RAB3GAP2: variants seen among roughly 807,000 people sequenced by gnomAD.
RAB3GAP2 encodes RAB3 GTPase activating non-catalytic protein subunit 2.
RAB3GAP2 carries 87 observed loss-of-function variants against 185.3 expected under a neutral mutation model. The ratio of observed to expected loss-of-function variants is 0.47; its 90% CI spans 0.39 to 0.56. The LOEUF (loss-of-function observed/expected upper bound fraction) is 0.56. Ranked by LOEUF, RAB3GAP2 falls within the 20% of genes least tolerant of loss-of-function variation. The pLI, the probability that RAB3GAP2 is intolerant of heterozygous loss-of-function variation, is 0.00. For missense variants in RAB3GAP2, 1,492 were observed against 1,638.2 expected (o/e 0.91, Z 1.54); for synonymous variants, 554 against 576.1 (o/e 0.96, Z 0.55).
rs370769444 is a variant in RAB3GAP2, at chr1:220,241,075, G to A, written c.116-8212C>T. Among the ~76,000 whole-genome samples the A allele has an allele frequency of 7.9e-5, 12 of 152,084 alleles. No homozygotes were observed. The South Asian group carries it at 1.9e-3, about 24-fold the overall frequency. ...AAAAAATTATAGATGTCTTGTTTAG[G>A]GGTATTTCCATTCAATGAATTATTC... is the stretch of plus-strand genomic sequence containing the variant. On this transcript the variant is annotated intron_variant, in intron 1 of 34. Coordinates refer to ENST00000358951, the MANE Select transcript of RAB3GAP2 (RefSeq NM_012414.4).
chr1:220,163,388 A>G (rs1275358944), intron 27 of RAB3GAP2, among the ~76,000 whole-genome samples: 3 of 144,174 alleles, frequency 2.1e-5, no homozygotes, highest in Non-Finnish European at 4.5e-5. Flanking sequence ...TTTTTTTGAG[A>G]CGGAGTCTCT....
intron 7 of RAB3GAP2, among the ~76,000 whole-genome samples, chr1:220,209,877 A>T (rs1659046925): frequency 6.6e-6 from 1 of 152,246 alleles, no homozygotes; most frequent in Admixed American, 6.5e-5. Context: ...CTAAGAAGTT[A>T]GAGCCTTGGA....
chr1:220,178,391 A>G (rs1180945814), intron 21 of RAB3GAP2, among the ~76,000 whole-genome samples: 6 of 152,222 alleles, frequency 3.9e-5, no homozygotes, highest in Non-Finnish European at 8.8e-5. Flanking sequence ...CTTAAACCAC[A>G]TATATCTTTA....
intron 24 of RAB3GAP2, among the ~76,000 whole-genome samples, chr1:220,168,299 C>T (rs901902850): frequency 6.6e-6 from 1 of 151,828 alleles, no homozygotes; most frequent in Non-Finnish European, 1.5e-5. Context: ...GCCATGTTGG[C>T]GAGGCTGGTC....
chr1:220,191,689 A>T (rs1460020467), intron 13 of RAB3GAP2, among the ~76,000 whole-genome samples: 1 of 151,958 alleles, frequency 6.6e-6, no homozygotes, highest in East Asian at 1.9e-4. Context: ...ATGGCGGCGC[A>T]TGCCTGTAAT....
chr1:220,208,932 G>GT (rs1479798396), intron 7 of RAB3GAP2, among the ~76,000 whole-genome samples: 1 of 152,174 alleles, frequency 6.6e-6, no homozygotes, highest in African/African-American at 2.4e-5. Context: ...ACCCAGGCTG[G>GT]TCTCAAACTC....
chr1:220,172,560 A>G (rs2102859706), intron 22 of RAB3GAP2, 77 bp downstream of exon 22: 1 of 960,858 alleles, frequency 1.0e-6, no homozygotes, highest in East Asian at 2.4e-5. Context: ...TTGTTAAGGG[A>G]TCCTATCCAC....
At position 220,202,360 on chromosome 1, in the gene RAB3GAP2, T is replaced by C. The variant is rs1171084365; in HGVS notation, c.727A>G (p.Asn243Asp). 1.2e-6 allele frequency: 2 copies of C among 1,613,720 alleles called. No homozygotes were observed. Among genetic ancestry groups the C allele is most frequent in the South Asian group, 2.2e-5 (2 of 91,074 alleles). The part of the protein sequence containing the change: ...NQVAKAAASG[N>D]ENIQPPPLAY... ...AATGGTGGTGGTTGTATGTTCTCAT[T>C]GCCTGATGCTGCAGCTACCAAAGAT... Residue 243 changes from asparagine to aspartate, a missense_variant, in exon 9 of 35, where the codon AAT (asparagine) becomes GAT (aspartate). Physicochemically the swap from Asn to Asp is conservative, Grantham distance 23 (BLOSUM62 1). Around this residue, in one of 5 missense-constraint regions of RAB3GAP2, gnomAD observed 243 missense variants for 314.8 expected, o/e 0.77. Coordinates refer to ENST00000358951, the MANE Select transcript of RAB3GAP2 (RefSeq NM_012414.4).
At chr1:220,213,149 A>G (rs1232786849) in intron 3 of RAB3GAP2, among the ~76,000 whole-genome samples, 181 bp from the exon 4 acceptor site, 1 of 152,228 alleles carries the variant, frequency 6.6e-6, no homozygotes, top group East Asian at 1.9e-4. Context: ...TTCTTATAAT[A>G]CACCTAGTCT....
At chr1:220,252,121 G>A (rs1349626793) in intron 1 of RAB3GAP2, among the ~76,000 whole-genome samples, 1 of 143,770 alleles carries the variant, frequency 7.0e-6, no homozygotes, top group Non-Finnish European at 1.5e-5. Flanking sequence ...GCACAGCCTA[G>A]GTGATAGGCT....
In RAB3GAP2 at chr1:220,259,345, T is replaced by C. The variant is rs553565691; in HGVS notation, c.115+12878A>G. Among the ~76,000 whole-genome samples the C allele has an allele frequency of 2.2e-3, 341 of 152,234 alleles. 1 individual carries two copies. Among genetic ancestry groups the C allele is most frequent in the South Asian group, 4.1e-3 (20 of 4,824 alleles). ...TTATTTCAAACTATACTGCAAGCTA[T>C]AGTAACCAAAACAGTATGGTACTGG... On this transcript the variant is annotated intron_variant, in intron 1 of 34. Transcript: ENST00000358951.
chr1:220,157,759 A>G (rs751101550), intron 30 of RAB3GAP2, 43 bp downstream of exon 30: 6 of 1,473,666 alleles, frequency 4.1e-6, no homozygotes, highest in Non-Finnish European at 4.7e-6. Context: ...AGAATATGTA[A>G]TATCTTAGGA....
intron 8 of RAB3GAP2, among the ~76,000 whole-genome samples, chr1:220,202,727 G>C (rs1658886248): frequency 6.6e-6 from 1 of 152,210 alleles, no homozygotes; most frequent in Admixed American, 6.5e-5. Context: ...CAGGTCGCTT[G>C]AGGTCAGGAG....
intron 14 of RAB3GAP2, 91 bp from the exon 15 acceptor site, chr1:220,190,611 A>G: frequency 7.4e-7 from 1 of 1,346,728 alleles, no homozygotes; most frequent in Non-Finnish European, 1.1e-6. Flanking sequence ...ACCCAACATT[A>G]TTATCAATTT....
At chr1:220,183,133 G>C (rs1658443914) in intron 19 of RAB3GAP2, among the ~76,000 whole-genome samples, 1 of 152,040 alleles carries the variant, frequency 6.6e-6, no homozygotes, top group African/African-American at 2.4e-5. Context: ...TTGAAACACT[G>C]CATGTTTGGT....
At chr1:220,237,884 TAAA>T (rs372704690) in intron 1 of RAB3GAP2, among the ~76,000 whole-genome samples, 13 of 133,454 alleles carry the variant, frequency 9.7e-5, no homozygotes, top group African/African-American at 2.4e-4. Context: ...TATTAAAAAG[TAAA>T]AAAAAAAAAA....
chr1:220,175,468 T>G (rs1658270439), intron 21 of RAB3GAP2, among the ~76,000 whole-genome samples: 1 of 151,958 alleles, frequency 6.6e-6, no homozygotes, highest in Admixed American at 6.6e-5. Flanking sequence ...TCGCCCGCCT[T>G]GGCCTCCCAA....
intron 4 of RAB3GAP2, among the ~76,000 whole-genome samples, 200 bp downstream of exon 4, chr1:220,212,687 C>G (rs1252152765): frequency 6.6e-6 from 1 of 152,020 alleles, no homozygotes; most frequent in East Asian, 1.9e-4. Context: ...AAGACAGAGT[C>G]TTACTATGTT....
intron 1 of RAB3GAP2, chr1:220,254,646 T>A (rs1660000702): frequency 1.2e-6 from 1 of 838,184 alleles, no homozygotes; most frequent in East Asian, 2.6e-5. Flanking sequence ...TGTATAACAA[T>A]TGATGTTTGT....
Sources: allele counts gnomAD v4.1 joint callset (sites outside exome capture counted in the v4.1 genomes callset), GRCh38; gene constraint gnomAD v4.1.1; regional missense constraint gnomAD v4.1.1; transcripts MANE v1.5; gene names NCBI Gene and HGNC (gene_info 2026-07-23, HGNC 2026-07-21).